The following LNX1 variants were observed in gnomAD, a reference collection of about 807,000 sequenced individuals.
The protein encoded by LNX1 is ligand of numb-protein X 1.
LNX1 carries 54 observed loss-of-function variants against 68.4 expected under a neutral mutation model. The ratio of observed to expected loss-of-function variants is 0.79; its 90% confidence interval spans 0.63 to 0.99. The LOEUF is 0.99. Ranked by LOEUF, LNX1 falls within the 50% of genes least tolerant of loss-of-function variation. The pLI, the probability that LNX1 is intolerant of heterozygous loss-of-function variation, is 0.00. For synonymous variants in LNX1, 336 were observed against 350.0 expected (o/e 0.96, Z 0.45); for missense variants, 906 against 926.4 (o/e 0.98, Z 0.29).
At chr4:53,570,820 G>C (rs1731105957) in intron 2 of LNX1, among the ~76,000 whole-genome samples, 1 of 151,400 alleles carries the variant, frequency 6.6e-6, no homozygotes. Context: ...GAGGTCAGGA[G>C]ATCGAGACCA....
chr4:53,650,835 A>G (rs1735071863), intron 1 of LNX1, among the ~76,000 whole-genome samples: 1 of 151,946 alleles, frequency 6.6e-6, no homozygotes, highest in South Asian at 2.1e-4. Flanking sequence ...TTTTCATTAC[A>G]CTGAGGGTAG....
At chr4:53,542,575 G>A (rs1167359853) in intron 2 of LNX1, among the ~76,000 whole-genome samples, 3 of 152,170 alleles carry the variant, frequency 2.0e-5, no homozygotes, top group Non-Finnish European at 2.9e-5. Flanking sequence ...ACACTGAGGT[G>A]GGGAATGCCA....
chr4:53,559,812 TAAA>T (rs35388102), intron 2 of LNX1, among the ~76,000 whole-genome samples: 2 of 133,026 alleles, frequency 1.5e-5, no homozygotes, highest in African/African-American at 2.7e-5. Flanking sequence ...CATGCCTGGC[TAAA>T]AAAAAAAAAA....
At chr4:53,463,375 G>A (rs1474346599) in intron 9 of LNX1, among the ~76,000 whole-genome samples, 2 of 151,862 alleles carry the variant, frequency 1.3e-5, no homozygotes, top group African/African-American at 2.4e-5. Context: ...AAAAGTAAAC[G>A]CCTTCTTTTA....
In LNX1 at chr4:53,575,648, T is replaced by C. The variant is rs1459178869; in HGVS notation, c.-86-1560A>G. 4 of 1,346,314 alleles carry C rather than the reference T, an allele frequency of 3.0e-6. No individual in the cohort carries two copies. The African/African-American group carries it at 5.9e-5, about 20-fold the overall frequency. 83.4% of individuals were successfully genotyped at this position (1,346,314 alleles called of 1,614,324 possible). A position where few individuals can be genotyped will look rare whatever the true frequency, so the allele number is the denominator to read the frequency against. ...TTTGGCTGCATTGGCTGGGGATCAC[T>C]GGCACCAGGTATCTGCATCTGGGAC... is the stretch of plus-strand genomic sequence containing the variant. On this transcript the variant is annotated intron_variant, in intron 1 of 10. Coordinates refer to ENST00000263925, the MANE Select transcript of LNX1 (RefSeq NM_001126328.3).
chr4:53,479,815 A>G (rs1328647841), intron 7 of LNX1, among the ~76,000 whole-genome samples: 2 of 152,226 alleles, frequency 1.3e-5, no homozygotes, highest in Non-Finnish European at 2.9e-5. Flanking sequence ...TGCTTTGGAT[A>G]TTTAGAATAA....
At chr4:53,535,225 T>C (rs1023043992) in intron 2 of LNX1, among the ~76,000 whole-genome samples, 4 of 152,240 alleles carry the variant, frequency 2.6e-5, no homozygotes, top group African/African-American at 9.6e-5. Context: ...GTCTGTTTAA[T>C]TAGGTTATGT....
At chr4:53,627,088 C>A (rs1380421272) in intron 1 of LNX1, among the ~76,000 whole-genome samples, 1 of 152,140 alleles carries the variant, frequency 6.6e-6, no homozygotes, top group African/African-American at 2.4e-5. Flanking sequence ...GCTTCCTTTG[C>A]CCCAGGTACA....
chr4:53,500,591 A>G (rs1725401103), intron 4 of LNX1: 1 of 152,224 alleles, frequency 6.6e-6, no homozygotes, highest in Non-Finnish European at 1.5e-5. Context: ...AAGAATTAAA[A>G]TTATTTCTAA....
chr4:53,596,689 C>T (rs528302489), intron 2 of LNX1, among the ~76,000 whole-genome samples: 2 of 152,188 alleles, frequency 1.3e-5, no homozygotes, highest in South Asian at 4.2e-4. Context: ...GTTCCACATA[C>T]CAGATTTAAA....
intron 2 of LNX1, among the ~76,000 whole-genome samples, chr4:53,561,824 T>C (rs1483248493): frequency 1.3e-5 from 2 of 152,164 alleles, no homozygotes; most frequent in African/African-American, 4.8e-5. Flanking sequence ...GTCAGTTTTA[T>C]TATCTTCCAT....
At chr4:53,528,198 C>T (rs780395944) in intron 2 of LNX1, among the ~76,000 whole-genome samples, 2 of 152,198 alleles carry the variant, frequency 1.3e-5, no homozygotes, top group Non-Finnish European at 2.9e-5. Context: ...CATTGGGGGT[C>T]ATCCAGAGAT....
chr4:53,587,631 C>T (rs747832625), intron 1 of LNX1, among the ~76,000 whole-genome samples: 7 of 151,990 alleles, frequency 4.6e-5, no homozygotes, highest in Non-Finnish European at 1.0e-4. Flanking sequence ...TTCGAGTAGT[C>T]AAGATCGTAT....
chr4:53,472,738 A>T (rs1022030611), intron 9 of LNX1, among the ~76,000 whole-genome samples: 4 of 151,524 alleles, frequency 2.6e-5, no homozygotes, highest in African/African-American at 9.7e-5. Context: ...TTTGCAATAT[A>T]ATTGATGAAC....
intron 2 of LNX1, among the ~76,000 whole-genome samples, chr4:53,562,024 A>T (rs1730327939): frequency 6.6e-6 from 1 of 152,230 alleles, no homozygotes; most frequent in Non-Finnish European, 1.5e-5. Context: ...TACCTTTAAA[A>T]GGTCATTTCC....
chr4:53,539,083 T>C (rs186470917), intron 2 of LNX1: 4 of 152,326 alleles, frequency 2.6e-5, no homozygotes, highest in Admixed American at 2.6e-4. Context: ...GTTTTTGTTT[T>C]TTCCTTTAGG....
At chr4:53,494,648 C>T (rs1286321526) in intron 6 of LNX1, among the ~76,000 whole-genome samples, 3 of 152,220 alleles carry the variant, frequency 2.0e-5, no homozygotes, top group Non-Finnish European at 4.4e-5. Context: ...AGATAAAGTC[C>T]AGCTTTCCTG....
chr4:53,632,266 C>T (rs1457554651), intron 1 of LNX1, among the ~76,000 whole-genome samples: 2 of 152,146 alleles, frequency 1.3e-5, no homozygotes, highest in African/African-American at 4.8e-5. Flanking sequence ...CTCTTCTGGG[C>T]TCCCATCCTC....
intron 9 of LNX1, among the ~76,000 whole-genome samples, chr4:53,476,211 T>A (rs1353151787): frequency 1.3e-5 from 2 of 152,042 alleles, no homozygotes; most frequent in East Asian, 3.9e-4. Flanking sequence ...GGTAGGAGAA[T>A]CATTTGAACC....
Sources: allele counts gnomAD v4.1 joint callset (sites outside exome capture counted in the v4.1 genomes callset), GRCh38; gene constraint gnomAD v4.1.1; transcripts MANE v1.5; gene names NCBI Gene and HGNC (gene_info 2026-07-23, HGNC 2026-07-21).